GRIK1: variants seen among roughly 807,000 people sequenced by gnomAD.
GRIK1 encodes glutamate receptor ionotropic, kainate 1.
In GRIK1, 69 loss-of-function variants were observed where a neutral mutation model predicts 105.7. The observed-to-expected ratio is 0.65, with a 90% CI of 0.54 to 0.80. The LOEUF (loss-of-function observed/expected upper bound fraction) is 0.80. GRIK1 is among the 30% of genes least tolerant of loss of function. GRIK1 has a pLI of 0.00. For synonymous variants in GRIK1, 438 were observed against 431.3 expected (o/e 1.02, Z -0.19); for missense variants, 1,109 against 1,167.3 (o/e 0.95, Z 0.73).
intron 4 of GRIK1, among the ~76,000 whole-genome samples, chr21:29,664,611 G>A (rs363563): frequency 0.048 from 7,300 of 151,064 alleles, 246 homozygotes; most frequent in Non-Finnish European, 0.067. Flanking sequence ...AGAACTCTAC[G>A]GGCCAAAAAA....
chr21:29,871,189 G>T (rs1420623220), intron 1 of GRIK1, among the ~76,000 whole-genome samples: 1 of 152,180 alleles, frequency 6.6e-6, no homozygotes, highest in South Asian at 2.1e-4. Context: ...AGAGGGCAGG[G>T]ATTGCATCCT....
chr21:29,721,170 T>C (rs1243397396), intron 1 of GRIK1, among the ~76,000 whole-genome samples: 1 of 151,886 alleles, frequency 6.6e-6, no homozygotes, highest in Non-Finnish European at 1.5e-5. Flanking sequence ...TTCTTTCCTA[T>C]GGTGTCCTTG....
At chr21:29,641,865 C>A (rs549094583) in intron 7 of GRIK1, among the ~76,000 whole-genome samples, 1 of 152,228 alleles carries the variant, frequency 6.6e-6, no homozygotes, top group African/African-American at 2.4e-5. Flanking sequence ...TGGAAGAGAC[C>A]AGCAGAGACA....
chr21:29,878,525 A>T (rs1343409676), intron 1 of GRIK1, among the ~76,000 whole-genome samples: 1 of 152,130 alleles, frequency 6.6e-6, no homozygotes, highest in East Asian at 1.9e-4. Context: ...AAGAGACTTC[A>T]AAGGGGAAGC....
chr21:29,544,194 C>T (rs1240584495), intron 16 of GRIK1, among the ~76,000 whole-genome samples: 1 of 152,178 alleles, frequency 6.6e-6, no homozygotes. Flanking sequence ...GTGTCTTCCT[C>T]CTGTTGTTCA....
chr21:29,559,045 T>C (rs769336313), intron 15 of GRIK1, among the ~76,000 whole-genome samples: 3 of 152,080 alleles, frequency 2.0e-5, no homozygotes, highest in Non-Finnish European at 2.9e-5. Context: ...AAAGGGGTGT[T>C]GAAATGTGGT....
At chr21:29,633,736 T>A (rs1435777130) in intron 7 of GRIK1, among the ~76,000 whole-genome samples, 1 of 152,104 alleles carries the variant, frequency 6.6e-6, no homozygotes, top group East Asian at 1.9e-4. Flanking sequence ...CTTCCTTAGG[T>A]CTAAATATCC....
intron 1 of GRIK1, among the ~76,000 whole-genome samples, chr21:29,878,945 C>T (rs1354377200): frequency 2.0e-5 from 3 of 152,170 alleles, no homozygotes; most frequent in African/African-American, 7.2e-5. Context: ...TTCCCAGCCT[C>T]TGAATCTATG....
intron 1 of GRIK1, among the ~76,000 whole-genome samples, chr21:29,810,166 G>A (rs922917505): frequency 9.2e-5 from 14 of 151,864 alleles, no homozygotes; most frequent in African/African-American, 3.4e-4. Context: ...GCATGGCAGC[G>A]GGCACCTGGA....
Position 29,577,199 on chromosome 21 carries a change from G to C in GRIK1, c.1913-18C>G. On this transcript the variant is annotated intron_variant, in intron 13 of 17. Coordinates refer to ENST00000327783, the MANE Select transcript of GRIK1 (RefSeq NM_001330994.2). ...CTCTGATCCTGTGATGGTATCATCA[G>C]AGTAAGGGTGTTAAACACAGTCAGA... The C allele has an allele frequency of 7.3e-7, 1 of 1,375,468 alleles. No homozygotes were observed. The highest frequency in any genetic ancestry group is 1.0e-6 in the Non-Finnish European group (1 of 962,812). The allele number at this position is 1,375,468 out of a possible 1,614,324, so 85.2% of individuals were successfully genotyped here. A position where few individuals can be genotyped will look rare whatever the true frequency, so the allele number is the denominator to read the frequency against.
At position 29,637,953 on chromosome 21, in the gene GRIK1, C is replaced by T. The variant is rs144611058; in HGVS notation, c.1098+4873G>A. Among the ~76,000 whole-genome samples the T allele has an allele frequency of 3.7e-3, 558 of 152,286 alleles. 2 individuals carry two copies. The highest frequency in any genetic ancestry group is 0.013 in the African/African-American group (542 of 41,564). On this transcript the variant is annotated intron_variant, in intron 7 of 17. Coordinates refer to ENST00000327783, the MANE Select transcript of GRIK1 (RefSeq NM_001330994.2). ...CCATGGAACTTTCGGTTTTCCACCA[C>T]TAGGTACTGTCTTCCATTTTGCAAA...
At chr21:29,603,481 C>G (rs535057750) in intron 7 of GRIK1, among the ~76,000 whole-genome samples, 4 of 152,070 alleles carry the variant, frequency 2.6e-5, no homozygotes, top group Non-Finnish European at 4.4e-5. Context: ...ATTGCCACAC[C>G]GGCTGAGATC....
chr21:29,875,234 G>T (rs573016962), intron 1 of GRIK1, among the ~76,000 whole-genome samples: 51 of 151,956 alleles, frequency 3.4e-4, no homozygotes, highest in African/African-American at 1.2e-3. Context: ...AAAACACTCC[G>T]AGTCCCTGGA....
In GRIK1 at chr21:29,810,287, ACT is replaced by A. The variant is rs941467812; in HGVS notation, c.119-116226_119-116225del. Among the ~76,000 whole-genome samples the A allele has an allele frequency of 4.7e-4, 44 of 93,332 alleles. No homozygotes were observed. The Admixed American group carries it at 5.4e-3, about 11-fold the overall frequency. 61.2% of individuals were successfully genotyped at this position (93,332 alleles called of 152,430 possible). A position where few individuals can be genotyped will look rare whatever the true frequency, so the allele number is the denominator to read the frequency against. On this transcript the variant is annotated intron_variant, in intron 1 of 17. Transcript: ENST00000327783. ...ACTCCAACCTGGGTGACAGAGTGAG[ACT>A]CTGTCTTAAAAAAAAAAAAAAAATC...
chr21:29,796,961 A>T, intron 1 of GRIK1, among the ~76,000 whole-genome samples: 1 of 115,490 alleles, frequency 8.7e-6, no homozygotes, highest in Non-Finnish European at 1.8e-5. Context: ...AAGCAAACAA[A>T]CAAACAAACA....
chr21:29,927,293 G>A (rs1232099625), intron 1 of GRIK1, among the ~76,000 whole-genome samples: 1 of 151,120 alleles, frequency 6.6e-6, no homozygotes, highest in Non-Finnish European at 1.5e-5. Flanking sequence ...TGTAATATAT[G>A]TTGTACTGTG....
intron 1 of GRIK1, among the ~76,000 whole-genome samples, chr21:29,838,845 T>G (rs1324034287): frequency 6.6e-6 from 1 of 152,192 alleles, no homozygotes; most frequent in Non-Finnish European, 1.5e-5. Context: ...CATCACTTTC[T>G]TTGTCACAAG....
At chr21:29,784,516 TA>T (rs1000761949) in intron 1 of GRIK1, among the ~76,000 whole-genome samples, 5 of 152,052 alleles carry the variant, frequency 3.3e-5, no homozygotes, top group Admixed American at 6.6e-5. Flanking sequence ...GGTTTTTTTT[TA>T]AAAAAATATC....
chr21:29,566,057 A>G (rs2090605232), intron 14 of GRIK1, among the ~76,000 whole-genome samples: 1 of 152,218 alleles, frequency 6.6e-6, no homozygotes, highest in African/African-American at 2.4e-5. Flanking sequence ...CTTTCAGCAG[A>G]CTTTTTTTCA....
Sources: allele counts gnomAD v4.1 joint callset (sites outside exome capture counted in the v4.1 genomes callset), GRCh38; gene constraint gnomAD v4.1.1; transcripts MANE v1.5; gene names NCBI Gene and HGNC (gene_info 2026-07-23, HGNC 2026-07-21).